HPSE2: variants seen among roughly 807,000 people sequenced by gnomAD.
The protein encoded by HPSE2 is heparanase 2 (inactive), also known as inactive heparanase-2.
In HPSE2, 38 loss-of-function variants were observed where a neutral mutation model predicts 60.5. That is an observed-to-expected ratio of 0.63 (90% CI 0.48 to 0.82). The LOEUF is 0.82. Among genes scored for constraint, HPSE2 ranks in the 40% least tolerant of loss-of-function variants. The probability of loss-of-function intolerance (pLI) is 0.00; values close to 1 mark genes in which losing one functional copy is unlikely to be tolerated. For synonymous variants in HPSE2, 295 were observed against 293.2 expected (o/e 1.01, Z -0.06); for missense variants, 713 against 740.4 (o/e 0.96, Z 0.43).
rs200599926 is a variant in HPSE2 at position 98,746,540 on chromosome 10, GTTAC to G, written c.611-2488_611-2485del. ...TTTTATCCCATTGTGGCTTAAACTA[GTTAC>G]TTAACAAAAACAAATTATGTTTGCC... On this transcript the variant is annotated intron_variant, in intron 3 of 11. Coordinates refer to ENST00000370552, the MANE Select transcript of HPSE2 (RefSeq NM_021828.5). 4.6e-3 allele frequency among the ~76,000 whole-genome samples: 695 copies of G among 151,854 alleles called. 13 individuals carry two copies. Among genetic ancestry groups the G allele is most frequent in the East Asian group, 0.031 (162 of 5,178 alleles).
intron 9 of HPSE2, among the ~76,000 whole-genome samples, chr10:98,610,115 A>G (rs1357476644): frequency 6.6e-6 from 1 of 152,178 alleles, no homozygotes; most frequent in Non-Finnish European, 1.5e-5. Flanking sequence ...TGCTGGGATT[A>G]CAGGCGTGAG....
chr10:98,959,908 T>G (rs1471489285), intron 3 of HPSE2, among the ~76,000 whole-genome samples: 1 of 152,170 alleles, frequency 6.6e-6, no homozygotes, highest in Non-Finnish European at 1.5e-5. Context: ...CCTTTTTCTA[T>G]TGCTACCATA....
chr10:98,996,847 T>C (rs1409255364), intron 3 of HPSE2, among the ~76,000 whole-genome samples: 1 of 151,972 alleles, frequency 6.6e-6, no homozygotes, highest in Non-Finnish European at 1.5e-5. Flanking sequence ...ATCAGATGAG[T>C]GGTTGCTTAG....
chr10:98,609,885 A>G (rs1209254217), intron 9 of HPSE2, among the ~76,000 whole-genome samples: 1 of 131,664 alleles, frequency 7.6e-6, no homozygotes, highest in East Asian at 2.2e-4. Context: ...TCTGTCGCCC[A>G]GGCTGGAGTG....
At chr10:99,177,060 C>T (rs1242395773) in intron 2 of HPSE2, among the ~76,000 whole-genome samples, 2 of 152,074 alleles carry the variant, frequency 1.3e-5, no homozygotes, top group African/African-American at 4.8e-5. Context: ...CCTTTACAAA[C>T]AAGCAAATGC....
At chr10:98,809,383 G>C (rs1197029797) in intron 3 of HPSE2, among the ~76,000 whole-genome samples, 1 of 151,904 alleles carries the variant, frequency 6.6e-6, no homozygotes, top group Non-Finnish European at 1.5e-5. Flanking sequence ...TTAATATAAT[G>C]TAACTACTAG....
the HPSE2 span, among the ~76,000 whole-genome samples, chr10:99,287,718 G>C: frequency 6.6e-6 from 1 of 152,148 alleles, no homozygotes; most frequent in Non-Finnish European, 1.5e-5. Context: ...TTTAAAACAA[G>C]GGAGTCTGAA....
intron 9 of HPSE2, among the ~76,000 whole-genome samples, chr10:98,568,617 T>C (rs779547278): frequency 3.9e-5 from 6 of 152,240 alleles, no homozygotes; most frequent in Non-Finnish European, 7.3e-5. Context: ...GAAACCCTGG[T>C]TGACTTCTCT....
chr10:99,136,761 A>T (rs1204282256), intron 3 of HPSE2, among the ~76,000 whole-genome samples: 1 of 152,212 alleles, frequency 6.6e-6, no homozygotes, highest in Non-Finnish European at 1.5e-5. Context: ...AGAGCTACTT[A>T]TGACAAATCC....
At chr10:98,974,586 C>G (rs531769123) in intron 3 of HPSE2, among the ~76,000 whole-genome samples, 36 of 152,168 alleles carry the variant, frequency 2.4e-4, no homozygotes, top group African/African-American at 3.1e-4. Context: ...TTTAATTATC[C>G]TTAAGGTAGG....
the HPSE2 span, among the ~76,000 whole-genome samples, chr10:99,274,601 T>C: frequency 6.6e-6 from 1 of 152,148 alleles, no homozygotes; most frequent in Non-Finnish European, 1.5e-5. Flanking sequence ...GTGTTAACCA[T>C]TTAAAAATAA....
intron 3 of HPSE2, among the ~76,000 whole-genome samples, chr10:98,806,692 T>A (rs1951049349): frequency 6.6e-6 from 1 of 152,262 alleles, no homozygotes; most frequent in Non-Finnish European, 1.5e-5. Context: ...TAATACTTTT[T>A]AAGTAACTAG....
At chr10:99,281,287 T>A in the HPSE2 span, among the ~76,000 whole-genome samples, 1 of 148,698 alleles carries the variant, frequency 6.7e-6, no homozygotes, top group Admixed American at 6.7e-5. Context: ...CTATACATTG[T>A]ATAAGTAATA....
intron 3 of HPSE2, among the ~76,000 whole-genome samples, chr10:98,749,947 T>TATATATATACACACACAC: frequency 6.1e-5 from 6 of 98,482 alleles, no homozygotes; most frequent in African/African-American, 1.3e-4. Context: ...TATATATATA[T>TATATATATACACACACAC]ACACACACAC....
chr10:99,294,555 C>T, the HPSE2 span, among the ~76,000 whole-genome samples: 1 of 150,512 alleles, frequency 6.6e-6, no homozygotes, highest in Non-Finnish European at 1.5e-5. Context: ...CAGGACAGAG[C>T]AATACTCATT....
At chr10:99,278,593 G>A in the HPSE2 span, among the ~76,000 whole-genome samples, 3 of 152,098 alleles carry the variant, frequency 2.0e-5, no homozygotes, top group South Asian at 6.2e-4. Flanking sequence ...TAATTTTGCT[G>A]CCTCAAATAA....
intron 3 of HPSE2, among the ~76,000 whole-genome samples, chr10:99,001,565 T>C (rs1363089292): frequency 6.6e-6 from 1 of 151,976 alleles, no homozygotes; most frequent in African/African-American, 2.4e-5. Flanking sequence ...AAAGACAAAA[T>C]AGATTTTACC....
intron 2 of HPSE2, among the ~76,000 whole-genome samples, chr10:99,163,053 C>T (rs986685311): frequency 6.6e-6 from 1 of 151,860 alleles, no homozygotes; most frequent in Non-Finnish European, 1.5e-5. Context: ...ACTAAAATTA[C>T]CAAAAAAGTT....
intron 3 of HPSE2, among the ~76,000 whole-genome samples, chr10:98,807,540 A>G (rs569877562): frequency 7.2e-5 from 11 of 152,214 alleles, no homozygotes; most frequent in Non-Finnish European, 1.5e-4. Context: ...CTAGTACTCA[A>G]TAAATGTTAG....
Sources: gnomAD v4.1 joint callset for allele counts (sites outside exome capture counted in the v4.1 genomes callset) on GRCh38, gnomAD v4.1.1 for gene constraint, MANE v1.5 for transcripts, NCBI Gene and HGNC (gene_info 2026-07-23, HGNC 2026-07-21) for gene names.